Variants in PTPRU observed in about 807,000 individuals in gnomAD.
The protein encoded by PTPRU is receptor-type tyrosine-protein phosphatase U.
PTPRU carries 69 observed loss-of-function variants against 166.3 expected under a neutral mutation model. The ratio of observed to expected loss-of-function variants is 0.41; its 90% CI spans 0.34 to 0.51. The LOEUF (loss-of-function observed/expected upper bound fraction) is 0.51. Ranked by LOEUF, PTPRU falls within the 20% of genes least tolerant of loss-of-function variation. PTPRU has a pLI of 0.09. For missense variants in PTPRU, 1,657 were observed against 2,013.7 expected, an observed-to-expected ratio of 0.82 and a Z score of 3.39; for synonymous variants, 793 against 814.0, an observed-to-expected ratio of 0.97 and a Z score of 0.44.
chr1:29,237,794 C>G lies in PTPRU; in HGVS notation c.73+1077C>G, dbSNP rs1277146434. 1.4e-5 allele frequency among the ~76,000 whole-genome samples: 2 copies of G among 146,600 alleles called. No homozygotes were observed. Among genetic ancestry groups the G allele is most frequent in the African/African-American group, 4.9e-5 (2 of 40,778 alleles). On this transcript the variant is annotated intron_variant, in intron 1 of 29. Transcript: ENST00000373779. The surrounding 1 kb of genome is among the most constrained non-coding windows in gnomAD (Gnocchi z 6.4). ...GGGCGCCCGGGCCAGCGGGCCCCAG[C>G]GAGGGGCCGGCGGGCGGGCAGGGGA...
intron 1 of PTPRU, among the ~76,000 whole-genome samples, chr1:29,253,639 A>G (rs1289138500): frequency 6.6e-6 from 1 of 151,924 alleles, no homozygotes; most frequent in Non-Finnish European, 1.5e-5. Context: ...AAAAACTGCA[A>G]TTACTTTTGC....
intron 15 of PTPRU, among the ~76,000 whole-genome samples, chr1:29,302,824 CA>C (rs1687197091): frequency 6.6e-6 from 1 of 152,176 alleles, no homozygotes; most frequent in South Asian, 2.1e-4. Context: ...TCTGGGATTA[CA>C]GGTTTGAGCC....
At chr1:29,252,475 C>T (rs1165917014) in intron 1 of PTPRU, among the ~76,000 whole-genome samples, 2 of 152,026 alleles carry the variant, frequency 1.3e-5, no homozygotes, top group Admixed American at 6.5e-5. Context: ...ATCATGTTGG[C>T]CAGGCTGGTC....
At position 29,320,239 on chromosome 1, in the gene PTPRU, T is replaced by G. The variant is rs1161754753; in HGVS notation, c.3688-446T>G. ...GGGGTGTGTGTGGGGCTATTTTTGA[T>G]GAGGTGGTGGGGGAGGGCTTCTTTG... is the stretch of plus-strand genomic sequence containing the variant. On this transcript the variant is annotated intron_variant, in intron 25 of 29. Transcript: ENST00000373779. The surrounding 1 kb of genome is among the most constrained non-coding windows in gnomAD (Gnocchi z 5.2). The G allele has an allele frequency of 1.3e-5, 2 of 156,738 alleles. No homozygotes were observed. The highest frequency in any genetic ancestry group is 2.8e-5 in the Non-Finnish European group (2 of 71,484). 9.7% of individuals were successfully genotyped at this position (156,738 alleles called of 1,614,324 possible).
At chr1:29,287,830 T>C (rs1686431237) in intron 14 of PTPRU, among the ~76,000 whole-genome samples, 1 of 151,858 alleles carries the variant, frequency 6.6e-6, no homozygotes, top group South Asian at 2.1e-4. Context: ...ATGTATTTTT[T>C]GAGACAGAGT....
chr1:29,246,009 TCA>T (rs1342156685), intron 1 of PTPRU, among the ~76,000 whole-genome samples: 2 of 152,256 alleles, frequency 1.3e-5, no homozygotes, highest in Non-Finnish European at 2.9e-5. Context: ...CATCTTGGCA[TCA>T]CACAGCATCT....
rs76010859 is a variant in PTPRU, at chr1:29,322,949, C to T, written c.3829-422C>T. 9.5e-3 allele frequency among the ~76,000 whole-genome samples: 1,429 copies of T among 151,212 alleles called. 14 individuals are homozygous for T. The highest frequency in any genetic ancestry group is 0.018 in the Admixed American group (271 of 15,194). ...GTGTTGCAGCATCAGGGACACCCCA[C>T]CTCTGTGAGCTGGTGCTGAAGGGCA... On this transcript the variant is annotated intron_variant, in intron 26 of 29. Transcript: ENST00000373779.
At position 29,325,233 on chromosome 1, in the gene PTPRU, G is replaced by T. The variant is rs1409664993; in HGVS notation, c.4155G>T (p.Thr1385=). Residue 1385 remains threonine, a synonymous_variant, in exon 29 of 30, where the codon ACG becomes ACT. Coordinates refer to ENST00000373779, the MANE Select transcript of PTPRU (RefSeq NM_133178.4). ...GCGGCACCTTCTGCGCCTGCGCCAC[G>T]GTCCTGGAGATGATCCGCTGCCACA... ...GRSGTFCACA[T]VLEMIRCHNL... 2.5e-6 allele frequency: 4 copies of T among 1,614,074 alleles called. No individual in the cohort carries two copies. In the South Asian group the frequency reaches 3.3e-5, roughly 13 times the overall value.
intron 14 of PTPRU, among the ~76,000 whole-genome samples, chr1:29,285,527 C>T (rs1000557766): frequency 6.6e-6 from 1 of 152,202 alleles, no homozygotes; most frequent in African/African-American, 2.4e-5. Flanking sequence ...TATCCCAGGA[C>T]ATTGTGGAAT....
chr1:29,242,904 T>C (rs1340776599), intron 1 of PTPRU, among the ~76,000 whole-genome samples: 2 of 147,996 alleles, frequency 1.4e-5, no homozygotes, highest in African/African-American at 4.9e-5. Context: ...CTCGGTTTCT[T>C]TTTTTTTTTT....
chr1:29,303,202 C>T (rs1378362550), intron 15 of PTPRU, among the ~76,000 whole-genome samples: 66 of 152,158 alleles, frequency 4.3e-4, no homozygotes, highest in Admixed American at 3.8e-3. Flanking sequence ...CAGAGTGGGA[C>T]GTCCTTGGGA....
chr1:29,262,216 C>A (rs1685098220), intron 7 of PTPRU, among the ~76,000 whole-genome samples: 1 of 152,182 alleles, frequency 6.6e-6, no homozygotes, highest in African/African-American at 2.4e-5. Context: ...ACTGATCTGT[C>A]CTTTCTAAAA....
Position 29,260,338 on chromosome 1 carries a change from G to T in PTPRU, c.851-272G>T, listed in dbSNP as rs1404136293. 11 of 466,952 alleles carry T rather than the reference G, an allele frequency of 2.4e-5. No homozygotes were observed. The highest frequency in any genetic ancestry group is 4.1e-5 in the Non-Finnish European group (11 of 271,522). The allele number at this position is 466,952 out of a possible 1,614,324, so 28.9% of individuals were successfully genotyped here. A position where few individuals can be genotyped will look rare whatever the true frequency, so the allele number is the denominator to read the frequency against. ...GTTGATCCTAGCTGGCCTGCGGTCC[G>T]CTCCAGGAGGCGAGGATGTGGGGGA... On this transcript the variant is annotated intron_variant, in intron 6 of 29. Transcript: ENST00000373779. The surrounding 1 kb of genome is among the most constrained non-coding windows in gnomAD (Gnocchi z 8.3).
In PTPRU at chr1:29,311,825, T is replaced by A; in HGVS notation, c.3072+66T>A. ...AGCAGGGATTAGAGCCCACTCCCAC[T>A]TCCCCCAGCCCTGGGAGCAGGAGGG... is the stretch of plus-strand genomic sequence containing the variant. On this transcript the variant is annotated intron_variant, in intron 21 of 29. Transcript: ENST00000373779. This position sits in a 1 kb window ranked among gnomAD's most constrained non-coding sequence, Gnocchi z 4.1. 1.0e-5 allele frequency: 15 copies of A among 1,450,498 alleles called. No homozygotes were observed. Among genetic ancestry groups the A allele is most frequent in the South Asian group, 8.5e-5 (7 of 81,980 alleles). 89.9% of individuals were successfully genotyped at this position (1,450,498 alleles called of 1,614,324 possible).
In PTPRU at chr1:29,317,604, G is replaced by A. The variant is rs1056475877; in HGVS notation, c.3514-144G>A. ...GCCTAGAGACAGGGAGTCTGGCTCCGTGCCCTGTACCCTTCTCTCTGGACC... is the reference window on the plus strand; with the variant it reads ...GCCTAGAGACAGGGAGTCTGGCTCCATGCCCTGTACCCTTCTCTCTGGACC... On this transcript the variant is annotated intron_variant, in intron 24 of 29. Coordinates refer to ENST00000373779, the MANE Select transcript of PTPRU (RefSeq NM_133178.4). The surrounding 1 kb of genome is among the most constrained non-coding windows in gnomAD (Gnocchi z 5.6). 61 of 950,410 alleles carry A rather than the reference G, an allele frequency of 6.4e-5. 1 individual carries two copies. The Middle Eastern group carries it at 1.0e-3, about 16-fold the overall frequency. The allele number at this position is 950,410 out of a possible 1,614,324, so 58.9% of individuals were successfully genotyped here. A position where few individuals can be genotyped will look rare whatever the true frequency, so the allele number is the denominator to read the frequency against.
chr1:29,247,388 CT>C (rs1312488409), intron 1 of PTPRU, among the ~76,000 whole-genome samples: 2 of 152,344 alleles, frequency 1.3e-5, no homozygotes, highest in East Asian at 1.9e-4. Flanking sequence ...ACACTGTGGG[CT>C]CTGCTCCCTG....
In PTPRU at chr1:29,323,486, A is replaced by G. The variant is rs764809017; in HGVS notation, c.3944A>G (p.Asn1315Ser). ...GTGGCTCGAGTCTTCCGGGTGCAGAACATCTCTCGGGTGAGTGGTCTGAGG... is the reference window on the plus strand; with the variant it reads ...GTGGCTCGAGTCTTCCGGGTGCAGAGCATCTCTCGGGTGAGTGGTCTGAGG... ...DLVARVFRVQ[N>S]ISRLQEGHLL... Residue 1315 changes from asparagine to serine, a missense_variant, in exon 27 of 30, where the codon AAC becomes AGC. Physicochemically the swap from Asn to Ser is conservative, Grantham distance 46 (BLOSUM62 1). Around this residue, in one of 3 missense-constraint regions of PTPRU, gnomAD observed 1,190 missense variants for 1,477.4 expected, o/e 0.81. Transcript: ENST00000373779. 6 of 1,608,954 alleles carry G rather than the reference A, an allele frequency of 3.7e-6. No individual in the cohort carries two copies. The highest frequency in any genetic ancestry group is 5.1e-6 in the Non-Finnish European group (6 of 1,177,872).
chr1:29,248,889 A>T (rs1372437170), intron 1 of PTPRU, among the ~76,000 whole-genome samples: 1 of 152,026 alleles, frequency 6.6e-6, no homozygotes, highest in African/African-American at 2.4e-5. Context: ...TCCGACACCC[A>T]TGCCCACCCT....
intron 17 of PTPRU, 23 bp from the exon 18 acceptor site, chr1:29,305,329 G>C (rs760460662): frequency 1.9e-6 from 3 of 1,612,902 alleles, no homozygotes; most frequent in Non-Finnish European, 2.5e-6. Flanking sequence ...TTCAGCCCCT[G>C]CCCACCTGCT....
Sources: allele counts gnomAD v4.1 joint callset (sites outside exome capture counted in the v4.1 genomes callset), GRCh38; gene constraint gnomAD v4.1.1; regional missense constraint gnomAD v4.1.1; non-coding constraint Gnocchi (gnomAD v3.1); transcripts MANE v1.5; gene names NCBI Gene and HGNC (gene_info 2026-07-23, HGNC 2026-07-21).